MRTFB: variants seen among roughly 807,000 people sequenced by gnomAD.
MRTFB encodes the protein myocardin-related transcription factor B.
A neutral mutation model predicts 104.2 loss-of-function variants in MRTFB; 29 were observed. That is an observed-to-expected ratio of 0.28 (90% CI 0.21 to 0.38). MRTFB has a LOEUF of 0.38. Among genes scored for constraint, MRTFB ranks in the 10% least tolerant of loss-of-function variants. The pLI is 1.00. For synonymous variants in MRTFB, 535 were observed against 519.5 expected (o/e 1.03, Z -0.41); for missense variants, 1,270 against 1,341.6 (o/e 0.95, Z 0.83).
the MRTFB span, among the ~76,000 whole-genome samples, chr16:14,046,270 G>A: frequency 6.6e-6 from 1 of 152,118 alleles, no homozygotes; most frequent in Non-Finnish European, 1.5e-5. Flanking sequence ...AGGTGGTAGT[G>A]ATCCGTGATT....
chr16:14,060,814 T>C, the MRTFB span, among the ~76,000 whole-genome samples: 3 of 152,038 alleles, frequency 2.0e-5, no homozygotes, highest in Admixed American at 2.0e-4. Context: ...GATAGGCTAG[T>C]GCATGCTATG....
the MRTFB span, among the ~76,000 whole-genome samples, chr16:14,027,203 A>T: frequency 6.6e-6 from 1 of 152,270 alleles, no homozygotes; most frequent in Non-Finnish European, 1.5e-5. Flanking sequence ...CCACAAAAAA[A>T]GAATGAACTA....
At chr16:14,163,279 A>G (rs1014883518) in intron 3 of MRTFB, among the ~76,000 whole-genome samples, 2 of 152,198 alleles carry the variant, frequency 1.3e-5, no homozygotes, top group African/African-American at 4.8e-5. Context: ...TAAGTCAGGT[A>G]TGACCATTTA....
chr16:14,235,480 C>T (rs564453068), intron 9 of MRTFB, among the ~76,000 whole-genome samples: 1 of 152,336 alleles, frequency 6.6e-6, no homozygotes, highest in African/African-American at 2.4e-5. Flanking sequence ...CTGCCTCTCC[C>T]TCTCTCTGAA....
chr16:14,021,844 A>G, the MRTFB span, among the ~76,000 whole-genome samples: 1 of 152,198 alleles, frequency 6.6e-6, no homozygotes, highest in African/African-American at 2.4e-5. Flanking sequence ...GGCTGGTTCC[A>G]TATTTTTGCA....
intron 3 of MRTFB, among the ~76,000 whole-genome samples, chr16:14,196,962 T>C (rs2040459653): frequency 1.3e-5 from 2 of 148,278 alleles, no homozygotes; most frequent in African/African-American, 2.5e-5. Context: ...TTTCTCTTTT[T>C]TCTTTTTTTT....
intron 3 of MRTFB, among the ~76,000 whole-genome samples, chr16:14,146,814 T>G (rs1023563205): frequency 6.6e-6 from 1 of 152,182 alleles, no homozygotes; most frequent in Non-Finnish European, 1.5e-5. Flanking sequence ...TGGGCAAAAC[T>G]GGGTTCTTGA....
chr16:14,246,731 A>C lies in MRTFB; in HGVS notation c.1471A>C (p.Ser491Arg). The C allele has an allele frequency of 6.2e-7, 1 of 1,614,202 alleles. No homozygotes were observed. The highest frequency in any genetic ancestry group is 8.5e-7 in the Non-Finnish European group (1 of 1,180,040). ...GGCAGAATTGCCACCTACAGGAACC[A>C]GCAACGCAACCCGTGTGGAAAATGT... ...LKAELPPTGT[S>R]NATRVENVHS... The change falls in exon 12 of 17, where the codon AGC becomes CGC. Residue 491 changes from serine to arginine, a missense_variant. Transcript: ENST00000571589.
At position 14,263,297 on chromosome 16, in the gene MRTFB, T is replaced by C. The variant is rs1010773669; in HGVS notation, c.*1853T>C. The C allele has an allele frequency of 1.3e-5, 2 of 152,248 alleles. No individual in the cohort carries two copies. Among genetic ancestry groups the C allele is most frequent in the African/African-American group, 4.8e-5 (2 of 41,456 alleles). 9.4% of individuals were successfully genotyped at this position (152,248 alleles called of 1,614,324 possible). On this transcript the variant is annotated 3_prime_UTR_variant, in exon 17 of 17. Transcript: ENST00000571589. ...CATTTGACCAAGCCCTACAAGAGTT[T>C]ACCACACTAGATGTTCTGTGAATCC... is the stretch of plus-strand genomic sequence containing the variant.
chr16:14,145,061 TC>T (rs2038239231), intron 3 of MRTFB, among the ~76,000 whole-genome samples: 1 of 150,428 alleles, frequency 6.6e-6, no homozygotes, highest in South Asian at 2.1e-4. Context: ...TTTTTTTAAA[TC>T]TAAGTTTTTG....
intron 3 of MRTFB, chr16:14,149,510 G>A (rs544725693): frequency 1.3e-5 from 2 of 152,264 alleles, no homozygotes; most frequent in East Asian, 3.9e-4. Flanking sequence ...ATGTTGCTTG[G>A]ACTGCTTGAT....
chr16:14,141,944 TTCTCCTGCCTCAG>T (rs2038022490), intron 3 of MRTFB: 1 of 151,684 alleles, frequency 6.6e-6, no homozygotes, highest in Non-Finnish European at 1.5e-5. Context: ...GTTCAAGTGA[TTCTCCTGCCTCAG>T]CCTCCTGAGT....
chr16:14,035,766 G>T, the MRTFB span, among the ~76,000 whole-genome samples: 1 of 151,838 alleles, frequency 6.6e-6, no homozygotes, highest in African/African-American at 2.4e-5. Context: ...GGCAGTATTT[G>T]GTTACATGAG....
chr16:14,063,899 T>A, the MRTFB span, among the ~76,000 whole-genome samples: 16 of 152,358 alleles, frequency 1.1e-4, no homozygotes, highest in African/African-American at 1.7e-4. Flanking sequence ...AGGTTGATTC[T>A]GTGTCTTTGC....
chr16:14,205,683 C>A (rs956410944), intron 3 of MRTFB, among the ~76,000 whole-genome samples: 1 of 152,136 alleles, frequency 6.6e-6, no homozygotes, highest in African/African-American at 2.4e-5. Flanking sequence ...TTACTTATGT[C>A]CTTTGTTTCT....
chr16:14,148,955 C>T lies in MRTFB; in HGVS notation c.154+8195C>T, dbSNP rs531254810. 1.1e-4 allele frequency among the ~76,000 whole-genome samples: 17 copies of T among 152,282 alleles called. No homozygotes were observed. The South Asian group carries it at 3.3e-3, about 30-fold the overall frequency. On this transcript the variant is annotated intron_variant, in intron 3 of 16. Coordinates refer to ENST00000571589, the MANE Select transcript of MRTFB (RefSeq NM_001308142.2). The stretch of plus-strand genomic sequence containing the variant: ...GACTTTTCCTTAGATACAAATTAGT[C>T]GTGTTGCTGTTTAATACAGACCTCA...
In MRTFB at chr16:14,200,038, A is replaced by G. The variant is rs972662999; in HGVS notation, c.155-10205A>G. ...GGAAGGGGAAAAATAAAAAGGTACT[A>G]TCTTACCTTGTAAGCTGGACTACAG... On this transcript the variant is annotated intron_variant, in intron 3 of 16. Coordinates refer to ENST00000571589, the MANE Select transcript of MRTFB (RefSeq NM_001308142.2). 2.4e-5 allele frequency: 11 copies of G among 454,250 alleles called. No individual in the cohort carries two copies. In the Admixed American group the frequency reaches 2.7e-4, roughly 11 times the overall value. The allele number at this position is 454,250 out of a possible 1,614,324, so 28.1% of individuals were successfully genotyped here.
chr16:14,229,672 T>TA (rs2151292052), intron 8 of MRTFB, among the ~76,000 whole-genome samples: 2 of 152,308 alleles, frequency 1.3e-5, no homozygotes, highest in East Asian at 3.9e-4. Context: ...CTGTTTTTTT[T>TA]ATATTGTAGC....
At chr16:14,056,725 T>C in the MRTFB span, among the ~76,000 whole-genome samples, 707 of 152,310 alleles carry the variant, frequency 4.6e-3, 2 homozygotes, top group African/African-American at 0.016. Context: ...GAATATATTA[T>C]GTATACCAAT....
Sources: gnomAD v4.1 joint callset for allele counts (sites outside exome capture counted in the v4.1 genomes callset) on GRCh38, gnomAD v4.1.1 for gene constraint, MANE v1.5 for transcripts, NCBI Gene and HGNC (gene_info 2026-07-23, HGNC 2026-07-21) for gene names.